The following BRDT variants were observed in gnomAD, a reference collection of about 807,000 sequenced individuals.
BRDT encodes bromodomain testis-specific protein.
A neutral mutation model predicts 113.9 loss-of-function variants in BRDT; 77 were observed. That is an observed-to-expected ratio of 0.68 (90% CI 0.56 to 0.82). The LOEUF is 0.82. BRDT is among the 40% of genes least tolerant of loss of function. The pLI is 0.00. For synonymous variants in BRDT, 358 were observed against 366.5 expected, an observed-to-expected ratio of 0.98 and a Z score of 0.26; for missense variants, 1,027 against 1,105.4, an observed-to-expected ratio of 0.93 and a Z score of 1.01.
chr1:91,983,369 G>A (rs965400619), intron 12 of BRDT, among the ~76,000 whole-genome samples: 52 of 147,446 alleles, frequency 3.5e-4, no homozygotes, highest in Admixed American at 2.5e-3. Flanking sequence ...GGTTCACGCC[G>A]TTCTCCTGCC....
chr1:91,965,049 C>T lies in BRDT; in HGVS notation c.330+285C>T, dbSNP rs540909441. Among the ~76,000 whole-genome samples the T allele has an allele frequency of 3.7e-3, 561 of 151,868 alleles. 1 individual carries two copies. Among genetic ancestry groups the T allele is most frequent in the Non-Finnish European group, 5.6e-3 (383 of 67,952 alleles). ...TCAGCCTCCCGAGTAGCTGGGAATACAGGCACCCACCAACCTGCCTGGCTA... is the reference window on the plus strand; with the variant it reads ...TCAGCCTCCCGAGTAGCTGGGAATATAGGCACCCACCAACCTGCCTGGCTA... On this transcript the variant is annotated intron_variant, in intron 3 of 18. Transcript: ENST00000399546.
intron 12 of BRDT, among the ~76,000 whole-genome samples, chr1:91,989,477 C>T (rs1685575589): frequency 6.6e-6 from 1 of 152,170 alleles, no homozygotes; most frequent in Non-Finnish European, 1.5e-5. Flanking sequence ...TCTCCCGCCT[C>T]AGCCTCCCAA....
At chr1:91,996,207 G>A (rs1464275284) in intron 15 of BRDT, among the ~76,000 whole-genome samples, 2 of 151,926 alleles carry the variant, frequency 1.3e-5, no homozygotes, top group Non-Finnish European at 2.9e-5. Flanking sequence ...ACAACAAGGA[G>A]CTTTGTATAG....
chr1:91,987,531 T>C (rs1375281026), intron 12 of BRDT, among the ~76,000 whole-genome samples: 2 of 151,796 alleles, frequency 1.3e-5, no homozygotes, highest in African/African-American at 4.8e-5. Context: ...AGAGACGGGG[T>C]TTCGCCATAT....
intron 3 of BRDT, among the ~76,000 whole-genome samples, chr1:91,965,141 T>A (rs1254180367): frequency 1.3e-5 from 2 of 152,052 alleles, no homozygotes; most frequent in African/African-American, 2.4e-5. Flanking sequence ...CTTGAACTCC[T>A]GACCTCAGGT....
intron 7 of BRDT, among the ~76,000 whole-genome samples, chr1:91,978,630 C>G (rs1204519834): frequency 6.6e-6 from 1 of 152,066 alleles, no homozygotes; most frequent in Non-Finnish European, 1.5e-5. Flanking sequence ...GACTAGAGCC[C>G]ATGTCCCACT....
At chr1:92,007,363 C>T (rs1687410981) in intron 18 of BRDT, among the ~76,000 whole-genome samples, 1 of 152,106 alleles carries the variant, frequency 6.6e-6, no homozygotes, top group Admixed American at 6.5e-5. Flanking sequence ...CCAATAGTTA[C>T]CTTTTCTGCT....
chr1:91,953,928 T>C lies in BRDT; in HGVS notation c.-38+4246T>C, dbSNP rs149548098. Among the ~76,000 whole-genome samples the C allele has an allele frequency of 2.8e-4, 42 of 152,100 alleles. No homozygotes were observed. In the Middle Eastern group the frequency reaches 0.01, roughly 37 times the overall value. On this transcript the variant is annotated intron_variant, in intron 1 of 18. Coordinates refer to ENST00000399546, the MANE Select transcript of BRDT (RefSeq NM_207189.4). Reference sequence around the variant, plus strand: ...GATTTCATCTGCTCATGATACATTTTTTTTTTTACTTAGCATTTTCTTCTC... The same window carrying C: ...GATTTCATCTGCTCATGATACATTTCTTTTTTTACTTAGCATTTTCTTCTC...
At position 92,005,103 on chromosome 1, in the gene BRDT, A is replaced by C; in HGVS notation, c.2595-16A>C. The C allele has an allele frequency of 6.9e-7, 1 of 1,444,196 alleles. No individual in the cohort carries two copies. The highest frequency in any genetic ancestry group is 9.1e-7 in the Non-Finnish European group (1 of 1,098,886). 89.5% of individuals were successfully genotyped at this position (1,444,196 alleles called of 1,614,324 possible). On this transcript the variant is annotated splice_polypyrimidine_tract_variant and intron_variant, in intron 17 of 18. Coordinates refer to ENST00000399546, the MANE Select transcript of BRDT (RefSeq NM_207189.4). ...GAACTTGAAACCTACTTTGAGCTAT[A>C]CTTTTTTTCTTTAAGGGATCTTGGG... is the stretch of plus-strand genomic sequence containing the variant.
intron 18 of BRDT, among the ~76,000 whole-genome samples, chr1:92,005,807 C>T (rs1687245195): frequency 6.6e-6 from 1 of 152,200 alleles, no homozygotes. Context: ...AGTGATTTAT[C>T]ACTTACTATT....
intron 12 of BRDT, among the ~76,000 whole-genome samples, chr1:91,987,776 T>C (rs376137327): frequency 2.0e-5 from 3 of 152,218 alleles, no homozygotes; most frequent in Admixed American, 6.5e-5. Context: ...AGTGCTTTGA[T>C]TGATGATAGG....
chr1:91,979,134 A>G (rs1167933087), intron 7 of BRDT, among the ~76,000 whole-genome samples: 20 of 138,010 alleles, frequency 1.4e-4, no homozygotes, highest in Non-Finnish European at 2.8e-4. Flanking sequence ...TTTTTTTGAG[A>G]TGGAGTTTCG....
At chr1:91,979,253 A>G (rs1684486093) in intron 7 of BRDT, among the ~76,000 whole-genome samples, 6 of 151,544 alleles carry the variant, frequency 4.0e-5, no homozygotes, top group Admixed American at 3.9e-4. Context: ...AGCTGGGATT[A>G]CAGGCATGCG....
rs11396195 is a variant in BRDT at position 92,013,217 on chromosome 1, CA to C, written c.2776-974del. The stretch of plus-strand genomic sequence containing the variant: ...TGGGTGACAAAACGACACAATGTTT[CA>C]AAAAAAAAAAAAAAGATTAAAAAAA... On this transcript the variant is annotated intron_variant, in intron 18 of 18. Coordinates refer to ENST00000399546, the MANE Select transcript of BRDT (RefSeq NM_207189.4). 6.6e-3 allele frequency among the ~76,000 whole-genome samples: 883 copies of C among 133,936 alleles called. 8 individuals are homozygous for C. The highest frequency in any genetic ancestry group is 0.03 in the East Asian group (134 of 4,466). 87.9% of individuals were successfully genotyped at this position (133,936 alleles called of 152,430 possible).
chr1:92,009,281 A>G (rs1687593125), intron 18 of BRDT, among the ~76,000 whole-genome samples: 1 of 152,120 alleles, frequency 6.6e-6, no homozygotes, highest in African/African-American at 2.4e-5. Flanking sequence ...TATGTTGTTG[A>G]AAATGATGGG....
intron 15 of BRDT, among the ~76,000 whole-genome samples, chr1:91,994,999 G>T (rs1360888114): frequency 6.6e-6 from 1 of 151,970 alleles, no homozygotes; most frequent in Non-Finnish European, 1.5e-5. Flanking sequence ...CTTGCCTAAG[G>T]GTAGTTCCTA....
chr1:91,997,118 A>ATT (rs139209679), intron 15 of BRDT, among the ~76,000 whole-genome samples: 11 of 150,628 alleles, frequency 7.3e-5, no homozygotes, highest in Middle Eastern at 3.4e-3. Flanking sequence ...AGGAAGATAG[A>ATT]TTTTTTTTTT....
intron 12 of BRDT, among the ~76,000 whole-genome samples, chr1:91,986,996 G>T (rs1236629174): frequency 6.6e-6 from 1 of 151,010 alleles, no homozygotes; most frequent in African/African-American, 2.4e-5. Flanking sequence ...GGAGGGCAGT[G>T]GCTCGATCTC....
At chr1:92,007,202 T>C (rs1476050604) in intron 18 of BRDT, among the ~76,000 whole-genome samples, 1 of 152,214 alleles carries the variant, frequency 6.6e-6, no homozygotes, top group African/African-American at 2.4e-5. Flanking sequence ...CTCTCTCTTT[T>C]TTTTTCTGCC....
Sources: allele counts gnomAD v4.1 joint callset (sites outside exome capture counted in the v4.1 genomes callset), GRCh38; gene constraint gnomAD v4.1.1; transcripts MANE v1.5; gene names NCBI Gene and HGNC (gene_info 2026-07-23, HGNC 2026-07-21).